The following PEX14 variants were observed in gnomAD, a reference collection of about 807,000 sequenced individuals.
The protein encoded by PEX14 is peroxisomal membrane protein PEX14.
A neutral mutation model predicts 49.5 loss-of-function variants in PEX14; 15 were observed. That is an observed-to-expected ratio of 0.30 (90% confidence interval 0.20 to 0.47). The LOEUF is 0.47. PEX14 is among the 20% of genes least tolerant of loss of function. The pLI is 1.00. For synonymous variants in PEX14, 210 were observed against 212.7 expected, an observed-to-expected ratio of 0.99 and a Z score of 0.11; for missense variants, 398 against 494.8, an observed-to-expected ratio of 0.80 and a Z score of 1.86.
At chr1:10,612,221 T>A (rs1641294221) in intron 4 of PEX14, among the ~76,000 whole-genome samples, 1 of 152,212 alleles carries the variant, frequency 6.6e-6, no homozygotes, top group Non-Finnish European at 1.5e-5. Context: ...TATCCAGTTG[T>A]TCAGCATGGC....
chr1:10,578,737 G>C (rs557514236), intron 3 of PEX14, among the ~76,000 whole-genome samples: 1 of 152,130 alleles, frequency 6.6e-6, no homozygotes, highest in Non-Finnish European at 1.5e-5. Context: ...TTGTGAAAAA[G>C]AACCAAATGT....
At chr1:10,602,820 C>T (rs1175844477) in intron 4 of PEX14, among the ~76,000 whole-genome samples, 5 of 152,330 alleles carry the variant, frequency 3.3e-5, no homozygotes, top group South Asian at 2.1e-4. Flanking sequence ...GCATTGTCTG[C>T]GTCGGGAGGG....
At chr1:10,546,600 C>T (rs975399972) in intron 3 of PEX14, among the ~76,000 whole-genome samples, 4 of 135,532 alleles carry the variant, frequency 3.0e-5, no homozygotes, top group South Asian at 2.4e-4. Context: ...GGTGCGGTGG[C>T]TCACGCCTAT....
At chr1:10,562,258 T>C (rs570292186) in intron 3 of PEX14, among the ~76,000 whole-genome samples, 11 of 152,142 alleles carry the variant, frequency 7.2e-5, no homozygotes, top group Non-Finnish European at 1.6e-4. Flanking sequence ...CCCCAACACA[T>C]GTGTATGTAT....
intron 3 of PEX14, among the ~76,000 whole-genome samples, chr1:10,548,531 A>G (rs1639240975): frequency 6.6e-6 from 1 of 152,222 alleles, no homozygotes; most frequent in South Asian, 2.1e-4. Flanking sequence ...TGTTATATTC[A>G]ACACTTTTGA....
intron 2 of PEX14, among the ~76,000 whole-genome samples, chr1:10,519,586 G>C (rs113750211): frequency 6.6e-6 from 1 of 152,056 alleles, no homozygotes; most frequent in Non-Finnish European, 1.5e-5. Flanking sequence ...CTCTTCCTTC[G>C]GTGTAAGACT....
At chr1:10,565,228 A>C (rs181932799) in intron 3 of PEX14, among the ~76,000 whole-genome samples, 80 of 152,284 alleles carry the variant, frequency 5.3e-4, no homozygotes, top group African/African-American at 1.8e-3. Flanking sequence ...AAAATATTTT[A>C]TTGCATGACA....
At position 10,588,469 on chromosome 1, in the gene PEX14, T is replaced by A. The variant is rs56883680; in HGVS notation, c.170-10769T>A. On this transcript the variant is annotated intron_variant, in intron 3 of 8. Transcript: ENST00000356607. ...GACCCCCTTTATCCATAGTTCTGCC[T>A]CTTATGCTTTCAGGTACCCGAGGCC... 2.9e-3 allele frequency among the ~76,000 whole-genome samples: 449 copies of A among 152,354 alleles called. 3 individuals carry two copies. The highest frequency in any genetic ancestry group is 8.6e-3 in the African/African-American group (359 of 41,578).
In PEX14 at chr1:10,514,574, A is replaced by G. The variant is rs1402156488; in HGVS notation, c.84+19253A>G. ...CAACTCAAGGGAAAGCCATTGGGGA[A>G]TGCTCAGTTGGGATTGAACTAATAG... is the stretch of plus-strand genomic sequence containing the variant. On this transcript the variant is annotated intron_variant, in intron 2 of 8. Transcript: ENST00000356607. This position sits in a 1 kb window ranked among gnomAD's most constrained non-coding sequence, Gnocchi z 4.4. Among the ~76,000 whole-genome samples the G allele has an allele frequency of 6.6e-6, 1 of 152,188 alleles. No homozygotes were observed. Among genetic ancestry groups the G allele is most frequent in the Non-Finnish European group, 1.5e-5 (1 of 68,022 alleles).
At chr1:10,544,581 AG>A (rs928846584) in intron 3 of PEX14, among the ~76,000 whole-genome samples, 9 of 152,160 alleles carry the variant, frequency 5.9e-5, no homozygotes, top group African/African-American at 2.2e-4. Flanking sequence ...GGTTTTAAAA[AG>A]TTATGACATA....
chr1:10,599,349 T>G lies in PEX14; in HGVS notation c.281T>G (p.Leu94Arg). The part of the protein sequence containing the change: ...TQVVPVQPPH[L>R]ISQPYSPAGS... Reference sequence around the variant, plus strand: ...GTGGTTCCTGTCCAGCCCCCTCACCTCATATCTCAGCCATACAGTAAGTCA... The same window carrying G: ...GTGGTTCCTGTCCAGCCCCCTCACCGCATATCTCAGCCATACAGTAAGTCA... Residue 94 changes from leucine to arginine, a missense_variant, in exon 4 of 9, where the codon CTC becomes CGC. Coordinates refer to ENST00000356607, the MANE Select transcript of PEX14 (RefSeq NM_004565.3). 6.2e-7 allele frequency: 1 copy of G among 1,614,132 alleles called. No individual in the cohort carries two copies. Among genetic ancestry groups the G allele is most frequent in the Non-Finnish European group, 8.5e-7 (1 of 1,180,022 alleles).
At chr1:10,599,980 G>C (rs1465473115) in intron 4 of PEX14, among the ~76,000 whole-genome samples, 1 of 152,098 alleles carries the variant, frequency 6.6e-6, no homozygotes, top group East Asian at 1.9e-4. Flanking sequence ...AGCTACTATA[G>C]GAATAAAGTT....
intron 7 of PEX14, among the ~76,000 whole-genome samples, chr1:10,624,770 A>G (rs1641697302): frequency 6.6e-6 from 1 of 151,948 alleles, no homozygotes; most frequent in Non-Finnish European, 1.5e-5. Flanking sequence ...TAGACATGGG[A>G]CGGTCTCTAC....
At chr1:10,533,296 G>A (rs1638701639) in intron 2 of PEX14, among the ~76,000 whole-genome samples, 1 of 151,872 alleles carries the variant, frequency 6.6e-6, no homozygotes, top group African/African-American at 2.4e-5. Context: ...AGATCAAGAG[G>A]AACATAAACA....
chr1:10,550,940 C>T (rs1255008312), intron 3 of PEX14, among the ~76,000 whole-genome samples: 1 of 152,170 alleles, frequency 6.6e-6, no homozygotes, highest in East Asian at 1.9e-4. Context: ...TTTCCTGCTG[C>T]CTTCCATGAG....
chr1:10,551,585 C>G (rs770880096), intron 3 of PEX14, among the ~76,000 whole-genome samples: 1 of 152,106 alleles, frequency 6.6e-6, no homozygotes, highest in Non-Finnish European at 1.5e-5. Flanking sequence ...CATAATTACT[C>G]TGTTTGTTTT....
At chr1:10,528,353 G>T (rs1346975517) in intron 2 of PEX14, 37 of 942,424 alleles carry the variant, frequency 3.9e-5, no homozygotes, top group Non-Finnish European at 4.7e-5. Context: ...ATCTGAAGCT[G>T]CTGGAGGTTA....
Position 10,630,387 on chromosome 1 carries a change from G to T in PEX14, c.*400G>T, listed in dbSNP as rs886045019. 6.0e-5 allele frequency: 14 copies of T among 233,058 alleles called. No individual in the cohort carries two copies. Among genetic ancestry groups the T allele is most frequent in the Admixed American group, 5.0e-5 (1 of 19,908 alleles). The allele number at this position is 233,058 out of a possible 1,614,324, so 14.4% of individuals were successfully genotyped here. On this transcript the variant is annotated 3_prime_UTR_variant, in exon 9 of 9. Transcript: ENST00000356607. This position sits in a 1 kb window ranked among gnomAD's most constrained non-coding sequence, Gnocchi z 4.1. ...AGAGCTAGCGTCCCTACTGCCTCCC[G>T]ACTCCTCAGTGGAGGAGGAGCTGCG...
chr1:10,542,675 C>T (rs771783971), intron 3 of PEX14, among the ~76,000 whole-genome samples: 3 of 152,132 alleles, frequency 2.0e-5, no homozygotes, highest in South Asian at 2.1e-4. Context: ...GCAGGAGAAT[C>T]GCTTTAACCC....
Sources: allele counts gnomAD v4.1 joint callset (sites outside exome capture counted in the v4.1 genomes callset), GRCh38; gene constraint gnomAD v4.1.1; non-coding constraint Gnocchi (gnomAD v3.1); transcripts MANE v1.5; gene names NCBI Gene and HGNC (gene_info 2026-07-23, HGNC 2026-07-21).